The following FAM171B variants were observed in gnomAD, a reference collection of about 807,000 sequenced individuals.
The protein encoded by FAM171B is family with sequence similarity 171 member B.
FAM171B carries 19 observed loss-of-function variants against 75.6 expected under a neutral mutation model. That is an observed-to-expected ratio of 0.25 (90% CI 0.18 to 0.37). FAM171B has a LOEUF of 0.37. Ranked by LOEUF, FAM171B falls within the 10% of genes least tolerant of loss-of-function variation. The pLI, the probability that FAM171B is intolerant of heterozygous loss-of-function variation, is 1.00. For missense variants in FAM171B, 848 were observed against 982.4 expected (o/e 0.86, Z 1.83); for synonymous variants, 367 against 361.7 (o/e 1.01, Z -0.17).
At chr2:186,753,624 A>G (rs944435789) in intron 5 of FAM171B, among the ~76,000 whole-genome samples, 2 of 152,174 alleles carry the variant, frequency 1.3e-5, no homozygotes, top group Non-Finnish European at 2.9e-5. Flanking sequence ...CATGTTGGCC[A>G]GACTGGTCTT....
intron 1 of FAM171B, among the ~76,000 whole-genome samples, chr2:186,717,259 C>T: frequency 6.6e-6 from 1 of 152,070 alleles, no homozygotes; most frequent in Non-Finnish European, 1.5e-5. Flanking sequence ...ATATTTAAAA[C>T]CTTAGTTTAT....
Position 186,725,577 on chromosome 2 carries a change from C to T in FAM171B, c.239-14651C>T, listed in dbSNP as rs138906834. Among the ~76,000 whole-genome samples the T allele has an allele frequency of 5.0e-4, 76 of 152,240 alleles. 2 individuals are homozygous for T. In the East Asian group the frequency reaches 9.3e-3, roughly 19 times the overall value. ...GTGCTATTCACTCCTTCCCCTCACA[C>T]CCCATTTTCAAAACTCAATTCTGAT... is the stretch of plus-strand genomic sequence containing the variant. On this transcript the variant is annotated intron_variant, in intron 1 of 7. Coordinates refer to ENST00000304698, the MANE Select transcript of FAM171B (RefSeq NM_177454.4).
intron 6 of FAM171B, among the ~76,000 whole-genome samples, chr2:186,756,012 C>T (rs1352206117): frequency 6.6e-6 from 1 of 152,164 alleles, no homozygotes; most frequent in African/African-American, 2.4e-5. Context: ...CAACTCACTT[C>T]ATTTTTAATA....
intron 4 of FAM171B, among the ~76,000 whole-genome samples, chr2:186,748,942 AT>A (rs1690411914): frequency 6.6e-6 from 1 of 152,146 alleles, no homozygotes; most frequent in Non-Finnish European, 1.5e-5. Context: ...GACTCACTAG[AT>A]TCAGTGGGAA....
At chr2:186,710,171 T>C (rs1261922689) in intron 1 of FAM171B, among the ~76,000 whole-genome samples, 1 of 152,162 alleles carries the variant, frequency 6.6e-6, no homozygotes, top group Non-Finnish European at 1.5e-5. Flanking sequence ...TGTTCCAGGC[T>C]GGGGGAACTG....
chr2:186,723,161 T>G (rs1689980289), intron 1 of FAM171B, among the ~76,000 whole-genome samples: 3 of 152,168 alleles, frequency 2.0e-5, no homozygotes, highest in Admixed American at 2.0e-4. Context: ...CACACTTAAT[T>G]CATCCCCAAG....
intron 1 of FAM171B, among the ~76,000 whole-genome samples, chr2:186,732,202 T>C (rs940268448): frequency 3.3e-5 from 5 of 152,144 alleles, no homozygotes; most frequent in African/African-American, 1.2e-4. Context: ...CCAAGTGTTA[T>C]ATTTTCCATT....
intron 1 of FAM171B, among the ~76,000 whole-genome samples, chr2:186,710,555 T>A (rs1399430872): frequency 2.0e-5 from 3 of 152,172 alleles, no homozygotes; most frequent in African/African-American, 7.2e-5. Context: ...TGCTGTTTGA[T>A]TTTTATGGCC....
intron 2 of FAM171B, among the ~76,000 whole-genome samples, chr2:186,741,637 C>T (rs1010850703): frequency 6.6e-6 from 1 of 151,792 alleles, no homozygotes; most frequent in Non-Finnish European, 1.5e-5. Flanking sequence ...ATTTTTTTAC[C>T]TTAAAAAAGT....
Position 186,729,344 on chromosome 2 carries a change from A to G in FAM171B, c.239-10884A>G, listed in dbSNP as rs529011238. 5.9e-5 allele frequency among the ~76,000 whole-genome samples: 9 copies of G among 152,294 alleles called. No individual in the cohort carries two copies. In the East Asian group the frequency reaches 1.5e-3, roughly 26 times the overall value. ...AATATGCTCATTGAAAGCTAAAAAA[A>G]TACACTGGAGAAGGGTAGGTAGACA... On this transcript the variant is annotated intron_variant, in intron 1 of 7. Coordinates refer to ENST00000304698, the MANE Select transcript of FAM171B (RefSeq NM_177454.4).
intron 1 of FAM171B, among the ~76,000 whole-genome samples, chr2:186,721,326 G>A (rs1281720357): frequency 6.6e-6 from 1 of 152,128 alleles, no homozygotes; most frequent in East Asian, 1.9e-4. Flanking sequence ...GCTGTTCTGA[G>A]CCAAGAGAGT....
intron 1 of FAM171B, among the ~76,000 whole-genome samples, chr2:186,696,119 T>C (rs1164631982): frequency 6.6e-6 from 1 of 152,158 alleles, no homozygotes; most frequent in Non-Finnish European, 1.5e-5. Flanking sequence ...AAAAAGCTGA[T>C]TGTCTGGGAA....
At chr2:186,758,079 A>G (rs530347315) in intron 6 of FAM171B, among the ~76,000 whole-genome samples, 1 of 152,286 alleles carries the variant, frequency 6.6e-6, no homozygotes, top group East Asian at 1.9e-4. Flanking sequence ...TGCCCATTTT[A>G]ATATAACCTT....
intron 1 of FAM171B, among the ~76,000 whole-genome samples, chr2:186,728,770 G>A (rs1160696300): frequency 6.6e-6 from 1 of 152,122 alleles, no homozygotes; most frequent in Non-Finnish European, 1.5e-5. Context: ...TTTTTGTACT[G>A]GATAAATCTG....
At chr2:186,716,771 G>A (rs560537285) in intron 1 of FAM171B, among the ~76,000 whole-genome samples, 1 of 152,280 alleles carries the variant, frequency 6.6e-6, no homozygotes, top group African/African-American at 2.4e-5. Flanking sequence ...CCCCTCAAAA[G>A]CAGTTGTACA....
chr2:186,736,574 G>A (rs1690204870), intron 1 of FAM171B, among the ~76,000 whole-genome samples: 1 of 147,544 alleles, frequency 6.8e-6, no homozygotes, highest in African/African-American at 2.5e-5. Flanking sequence ...GTGGGAGAGA[G>A]AGAGAGAGAG....
At chr2:186,700,809 A>G (rs1689649032) in intron 1 of FAM171B, among the ~76,000 whole-genome samples, 1 of 152,178 alleles carries the variant, frequency 6.6e-6, no homozygotes, top group Non-Finnish European at 1.5e-5. Flanking sequence ...TTGTTCCCCA[A>G]TATTCTATGT....
intron 1 of FAM171B, among the ~76,000 whole-genome samples, chr2:186,733,545 A>G (rs1350615693): frequency 1.3e-5 from 2 of 152,062 alleles, no homozygotes; most frequent in Non-Finnish European, 2.9e-5. Flanking sequence ...TGTTCTTCCC[A>G]CTTGGCCCAG....
chr2:186,729,620 T>C (rs1690084562), intron 1 of FAM171B, among the ~76,000 whole-genome samples: 1 of 152,214 alleles, frequency 6.6e-6, no homozygotes, highest in Non-Finnish European at 1.5e-5. Flanking sequence ...GAGTTGTTCA[T>C]ACCTCATTAA....
Sources: allele counts gnomAD v4.1 joint callset (sites outside exome capture counted in the v4.1 genomes callset), GRCh38; gene constraint gnomAD v4.1.1; transcripts MANE v1.5; gene names NCBI Gene and HGNC (gene_info 2026-07-23, HGNC 2026-07-21).